Variants in PRKG1 observed in about 807,000 individuals in gnomAD.
PRKG1 encodes cGMP-dependent protein kinase 1.
Under a neutral mutation model 88.1 loss-of-function variants are expected in PRKG1, and 35 were observed. The ratio of observed to expected loss-of-function variants is 0.40; its 90% confidence interval spans 0.30 to 0.53. The LOEUF is 0.53. Ranked by LOEUF, PRKG1 falls within the 20% of genes least tolerant of loss-of-function variation. The pLI, the probability that PRKG1 is intolerant of heterozygous loss-of-function variation, is 0.59. For missense variants in PRKG1, 540 were observed against 839.8 expected, an observed-to-expected ratio of 0.64 and a Z score of 4.41; for synonymous variants, 303 against 292.5, an observed-to-expected ratio of 1.04 and a Z score of -0.37.
intron 5 of PRKG1, among the ~76,000 whole-genome samples, chr10:52,038,606 G>C (rs1253311153): frequency 3.3e-5 from 5 of 151,716 alleles, no homozygotes; most frequent in Non-Finnish European, 5.9e-5. Flanking sequence ...AGCAGAGAAG[G>C]GGTAGAGACA....
At chr10:51,692,603 G>T (rs572847239) in intron 3 of PRKG1, among the ~76,000 whole-genome samples, 1 of 152,156 alleles carries the variant, frequency 6.6e-6, no homozygotes, top group Non-Finnish European at 1.5e-5. Flanking sequence ...GAGTCTGTAG[G>T]ATTCACTTAA....
chr10:51,678,494 T>G (rs942074850), intron 3 of PRKG1, among the ~76,000 whole-genome samples: 2 of 152,144 alleles, frequency 1.3e-5, no homozygotes, highest in African/African-American at 2.4e-5. Context: ...CAGGAATCCT[T>G]GTTTTTGATA....
chr10:51,381,503 G>C (rs1837103176), intron 2 of PRKG1, among the ~76,000 whole-genome samples: 1 of 151,930 alleles, frequency 6.6e-6, no homozygotes, highest in African/African-American at 2.4e-5. Context: ...AGTTTTACTA[G>C]ATCCCAGTGC....
intron 1 of PRKG1, among the ~76,000 whole-genome samples, chr10:51,144,889 A>G (rs1380462515): frequency 6.6e-6 from 1 of 152,182 alleles, no homozygotes; most frequent in Non-Finnish European, 1.5e-5. Flanking sequence ...GAAAGTGTAC[A>G]CTTTGGGATA....
chr10:51,853,469 A>G (rs1589357463), intron 4 of PRKG1, among the ~76,000 whole-genome samples: 1 of 152,142 alleles, frequency 6.6e-6, no homozygotes, highest in Non-Finnish European at 1.5e-5. Flanking sequence ...TAAAACACCC[A>G]TTATAATCAT....
intron 4 of PRKG1, among the ~76,000 whole-genome samples, chr10:51,903,092 T>C (rs1842015142): frequency 6.6e-6 from 1 of 152,152 alleles, no homozygotes; most frequent in Non-Finnish European, 1.5e-5. Flanking sequence ...TTAACATAAA[T>C]AAAATTACTA....
chr10:51,778,719 G>C (rs1444792726), intron 3 of PRKG1, among the ~76,000 whole-genome samples: 1 of 152,110 alleles, frequency 6.6e-6, no homozygotes, highest in Non-Finnish European at 1.5e-5. Flanking sequence ...TCTTGTAGCT[G>C]TAAGAGTAGA....
intron 3 of PRKG1, among the ~76,000 whole-genome samples, chr10:51,572,883 A>G (rs957654227): frequency 6.6e-6 from 1 of 151,858 alleles, no homozygotes; most frequent in Non-Finnish European, 1.5e-5. Context: ...GGGGAGTAAG[A>G]ATTAAACTCA....
At chr10:51,958,653 A>G (rs1291418212) in intron 5 of PRKG1, among the ~76,000 whole-genome samples, 1 of 151,316 alleles carries the variant, frequency 6.6e-6, no homozygotes, top group African/African-American at 2.4e-5. Flanking sequence ...TGTCAGGGGA[A>G]CATAAATTAC....
At chr10:51,750,597 G>A (rs1023727523) in intron 3 of PRKG1, among the ~76,000 whole-genome samples, 22 of 152,276 alleles carry the variant, frequency 1.4e-4, no homozygotes, top group African/African-American at 4.6e-4. Flanking sequence ...AGTCCAAAAC[G>A]CATGAAGTAG....
intron 2 of PRKG1, among the ~76,000 whole-genome samples, chr10:51,156,217 A>G (rs1365591552): frequency 6.6e-6 from 1 of 151,484 alleles, no homozygotes; most frequent in Non-Finnish European, 1.5e-5. Flanking sequence ...ATACTTAAAT[A>G]CTATGATATA....
intron 8 of PRKG1, among the ~76,000 whole-genome samples, chr10:52,155,654 A>G (rs1838072241): frequency 6.6e-6 from 1 of 151,754 alleles, no homozygotes; most frequent in African/African-American, 2.4e-5. Flanking sequence ...CGTTTAGCTC[A>G]AGATTGTAAA....
rs150630802 is a variant in PRKG1 at position 51,634,987 on chromosome 10, G to A, written c.592+167151G>A. Among the ~76,000 whole-genome samples, 1,382 of 152,064 alleles carry A rather than the reference G, an allele frequency of 9.1e-3. 19 individuals are homozygous for A. The highest frequency in any genetic ancestry group is 0.044 in the Middle Eastern group (13 of 294). On this transcript the variant is annotated intron_variant, in intron 3 of 17. Transcript: ENST00000373980. ...TAAGGATTGAAAAACAACCTGTTAG[G>A]TACTATGCTTATTATCTGGCTGACA...
chr10:52,145,702 T>G (rs1250626515), intron 8 of PRKG1, among the ~76,000 whole-genome samples: 1 of 152,212 alleles, frequency 6.6e-6, no homozygotes, highest in Non-Finnish European at 1.5e-5. Context: ...ATGGTTTTGC[T>G]TACTTTAGTA....
intron 9 of PRKG1, among the ~76,000 whole-genome samples, chr10:52,248,776 A>G (rs536204361): frequency 6.6e-6 from 1 of 151,982 alleles, no homozygotes; most frequent in Non-Finnish European, 1.5e-5. Flanking sequence ...GGTAATAGCT[A>G]TAAACAAAGT....
rs141280695 is a variant in PRKG1 at position 51,101,033 on chromosome 10, C to T, written c.311+26132C>T. Reference sequence around the variant, plus strand: ...CTCTTCTGGCTTGGTTCTCATCCCTCTCGCTAGGCACTAAGGAAAGTTGGA... The same window carrying T: ...CTCTTCTGGCTTGGTTCTCATCCCTTTCGCTAGGCACTAAGGAAAGTTGGA... On this transcript the variant is annotated intron_variant, in intron 1 of 17. Coordinates refer to ENST00000373980, the MANE Select transcript of PRKG1 (RefSeq NM_006258.4). Among the ~76,000 whole-genome samples the T allele has an allele frequency of 3.9e-5, 6 of 152,264 alleles. No individual in the cohort carries two copies. The East Asian group carries it at 1.2e-3, about 29-fold the overall frequency.
At chr10:51,301,443 GA>G (rs113061160) in intron 2 of PRKG1, among the ~76,000 whole-genome samples, 5,330 of 152,100 alleles carry the variant, frequency 0.035, 303 homozygotes, top group African/African-American at 0.12. Flanking sequence ...TGAAGTAGGG[GA>G]AAAAATATAC....
chr10:51,827,604 A>T (rs1473470188), intron 4 of PRKG1, among the ~76,000 whole-genome samples: 1 of 152,098 alleles, frequency 6.6e-6, no homozygotes, highest in Admixed American at 6.6e-5. Flanking sequence ...TACTATTTCT[A>T]GGGAACTAAA....
intron 3 of PRKG1, among the ~76,000 whole-genome samples, chr10:51,547,377 AT>A (rs1842466361): frequency 1.5e-5 from 1 of 64,826 alleles, no homozygotes; most frequent in Non-Finnish European, 3.8e-5. Flanking sequence ...ATCATGCAAA[AT>A]TCAACAAGTT....
Sources: gnomAD v4.1 joint callset for allele counts (sites outside exome capture counted in the v4.1 genomes callset) on GRCh38, gnomAD v4.1.1 for gene constraint, MANE v1.5 for transcripts, NCBI Gene and HGNC (gene_info 2026-07-23, HGNC 2026-07-21) for gene names.